Variants in ADAMTS13 observed in about 807,000 individuals in gnomAD.
The protein encoded by ADAMTS13 is A disintegrin and metalloproteinase with thrombospondin motifs 13.
Under a neutral mutation model 155.1 loss-of-function variants are expected in ADAMTS13, and 110 were observed. The observed-to-expected ratio is 0.71, with a 90% confidence interval of 0.61 to 0.83. The LOEUF (loss-of-function observed/expected upper bound fraction) is 0.83. ADAMTS13 is among the 40% of genes least tolerant of loss of function. The pLI is 0.00. For synonymous variants in ADAMTS13, 758 were observed against 756.4 expected (o/e 1.00, Z -0.03); for missense variants, 1,707 against 1,891.7 (o/e 0.90, Z 1.81).
In ADAMTS13 at chr9:133,425,750, T is replaced by C. The variant is rs1205628774; in HGVS notation, c.414+138T>C. 15 of 1,387,802 alleles carry C rather than the reference T, an allele frequency of 1.1e-5. No individual in the cohort carries two copies. Among genetic ancestry groups the C allele is most frequent in the South Asian group, 7.4e-5 (6 of 80,542 alleles). The allele number at this position is 1,387,802 out of a possible 1,614,324, so 86.0% of individuals were successfully genotyped here. ...AATGCATTCAGCCAGACAGACCAGC[T>C]GCCCTCCCAGCTCTACCCAGCACTC... On this transcript the variant is annotated intron_variant, in intron 4 of 28. Transcript: ENST00000355699. The surrounding 1 kb of genome is among the most constrained non-coding windows in gnomAD (Gnocchi z 4.6).
chr9:133,439,851 C>T (rs1486275198), intron 15 of ADAMTS13, among the ~76,000 whole-genome samples: 1 of 152,188 alleles, frequency 6.6e-6, no homozygotes, highest in East Asian at 1.9e-4. Flanking sequence ...GACTAATTGG[C>T]CAGGTGGATA....
At position 133,436,811 on chromosome 9, in the gene ADAMTS13, C is replaced by T; in HGVS notation, c.1309-18C>T. ...CCCGCCCCACCGCCATCCCCCTCCTCTGCCTCCTCCTGGCCAGGCCTGCGA... is the reference window on the plus strand; with the variant it reads ...CCCGCCCCACCGCCATCCCCCTCCTTTGCCTCCTCCTGGCCAGGCCTGCGA... On this transcript the variant is annotated intron_variant, in intron 11 of 28. Coordinates refer to ENST00000355699, the MANE Select transcript of ADAMTS13 (RefSeq NM_139027.6). The T allele has an allele frequency of 8.0e-7, 1 of 1,248,690 alleles. No homozygotes were observed. Among genetic ancestry groups the T allele is most frequent in the Non-Finnish European group, 1.1e-6 (1 of 917,514 alleles). 77.4% of individuals were successfully genotyped at this position (1,248,690 alleles called of 1,614,324 possible). A position where few individuals can be genotyped will look rare whatever the true frequency, so the allele number is the denominator to read the frequency against.
chr9:133,455,192 G>A, intron 24 of ADAMTS13, 93 bp from the exon 25 acceptor site: 1 of 1,383,848 alleles, frequency 7.2e-7, no homozygotes, highest in Non-Finnish European at 1.0e-6. Flanking sequence ...CTTGTACAAG[G>A]ATTATATTGG....
chr9:133,444,785 C>A, intron 19 of ADAMTS13, 78 bp from the exon 20 acceptor site: 1 of 1,492,622 alleles, frequency 6.7e-7, no homozygotes, highest in Non-Finnish European at 9.1e-7. Flanking sequence ...CCCCTTCCTC[C>A]CTGCCCCTAG....
At position 133,456,479 on chromosome 9, in the gene ADAMTS13, G is replaced by A. The variant is rs36222898; in HGVS notation, c.3548-64G>A. On this transcript the variant is annotated intron_variant, in intron 26 of 28. Coordinates refer to ENST00000355699, the MANE Select transcript of ADAMTS13 (RefSeq NM_139027.6). This position sits in a 1 kb window ranked among gnomAD's most constrained non-coding sequence, Gnocchi z 4.4. ...ACTTGAACTCGGCTCAGTCTACCCTGGAGCCACTCCTCTGCTGACCAGGCG... is the reference window on the plus strand; with the variant it reads ...ACTTGAACTCGGCTCAGTCTACCCTAGAGCCACTCCTCTGCTGACCAGGCG... 3.0e-5 allele frequency: 47 copies of A among 1,581,852 alleles called. No individual in the cohort carries two copies. Among genetic ancestry groups the A allele is most frequent in the Non-Finnish European group, 4.0e-5 (46 of 1,161,190 alleles).
Position 133,456,358 on chromosome 9 carries a change from G to A in ADAMTS13, c.3547+143G>A. 6.9e-7 allele frequency: 1 copy of A among 1,446,818 alleles called. No individual in the cohort carries two copies. The allele number at this position is 1,446,818 out of a possible 1,614,324, so 89.6% of individuals were successfully genotyped here. A position where few individuals can be genotyped will look rare whatever the true frequency, so the allele number is the denominator to read the frequency against. On this transcript the variant is annotated intron_variant, in intron 26 of 28. Coordinates refer to ENST00000355699, the MANE Select transcript of ADAMTS13 (RefSeq NM_139027.6). The surrounding 1 kb of genome is among the most constrained non-coding windows in gnomAD (Gnocchi z 4.4). ...TCCCATCTCATGACTGGGGAGTGAT[G>A]ATCTGCATTTTACAGATGAGGAAAC...
Position 133,452,769 on chromosome 9 carries a change from C to T in ADAMTS13, c.3045-1646C>T, listed in dbSNP as rs113402066. Among the ~76,000 whole-genome samples, 357 of 152,260 alleles carry T rather than the reference C, an allele frequency of 2.3e-3. 1 individual carries two copies. Among genetic ancestry groups the T allele is most frequent in the Admixed American group, 5.1e-3 (78 of 15,288 alleles). On this transcript the variant is annotated intron_variant, in intron 23 of 28. Coordinates refer to ENST00000355699, the MANE Select transcript of ADAMTS13 (RefSeq NM_139027.6). ...AAGTGATCCTCCTGCTTCAGCCTCC[C>T]GAGTAGCTGGGATGCAGGCACACAC...
intron 15 of ADAMTS13, 145 bp downstream of exon 15, chr9:133,439,591 A>G: frequency 1.3e-6 from 1 of 752,650 alleles, no homozygotes; most frequent in Non-Finnish European, 2.4e-6. Context: ...GACTAGGAAG[A>G]CTCCCAGAGC....
chr9:133,455,722 G>A (rs1170194032), intron 25 of ADAMTS13: 24 of 1,347,706 alleles, frequency 1.8e-5, no homozygotes, highest in African/African-American at 2.9e-5. Flanking sequence ...CTGGGAGGCC[G>A]GGATCAGGGC....
rs587735000 is a variant in ADAMTS13 at position 133,415,162 on chromosome 9, G to T, written n.287+518G>T. 490 of 671,166 alleles carry T rather than the reference G, an allele frequency of 7.3e-4. 1 individual carries two copies. Among genetic ancestry groups the T allele is most frequent in the Non-Finnish European group, 1.1e-3 (444 of 413,808 alleles). 41.6% of individuals were successfully genotyped at this position (671,166 alleles called of 1,614,324 possible). On this transcript the variant is annotated intron_variant and non_coding_transcript_variant, in intron 1 of 17. Transcript: ENST00000485925. The stretch of plus-strand genomic sequence containing the variant: ...GCATCACTGAAATTCATTTTCAAAC[G>T]GTTTGGAAAAAGCTCTTTTTCATTC...
At chr9:133,427,855 A>AAATTTCTAGAAAAAGGGCAGT (rs1554785645) in intron 6 of ADAMTS13, among the ~76,000 whole-genome samples, 6 of 152,274 alleles carry the variant, frequency 3.9e-5, no homozygotes, top group African/African-American at 7.2e-5. Context: ...GATTATGCAG[A>AAATTTCTAGAAAAAGGGCAGT]AATTTCTAGA....
Position 133,422,479 on chromosome 9 carries a change from C to T in ADAMTS13, c.36C>T (p.Pro12=), listed in dbSNP as rs782511371. The change falls in exon 1 of 29, where the codon CCC becomes CCT. Residue 12 remains proline (P), a synonymous_variant. Coordinates refer to ENST00000355699, the MANE Select transcript of ADAMTS13 (RefSeq NM_139027.6). ...GTCACCCCCGGGCAAGATGCCCTCC[C>T]CTCTGTGTGGCCGGAATCCTTGCCT... ...HQRHPRARCP[P]LCVAGILACG... is the part of the protein sequence containing the mutation. The T allele has an allele frequency of 1.2e-6, 2 of 1,614,126 alleles. No individual in the cohort carries two copies. The highest frequency in any genetic ancestry group is 4.5e-5 in the East Asian group (2 of 44,880).
In ADAMTS13 at chr9:133,438,333, C is replaced by T. The variant is rs782055634; in HGVS notation, c.1672C>T (p.Arg558Trp). 3.4e-5 allele frequency: 55 copies of T among 1,613,952 alleles called. No individual in the cohort carries two copies. The highest frequency in any genetic ancestry group is 3.3e-4 in the East Asian group (15 of 44,890). Residue 558 changes from arginine to tryptophan, a missense_variant, in exon 14 of 29, where the codon CGG becomes TGG. Around this residue, in one of 3 missense-constraint regions of ADAMTS13, gnomAD observed 961 missense variants for 1,107.9 expected, o/e 0.87. Transcript: ENST00000355699. ...TGGGGACAACAGCACGTGCAGCCCA[C>T]GGAAGGGCTCTTTCACAGCTGGCAG... ...CGGDNSTCSP[R>W]KGSFTAGRAR...
Position 133,442,620 on chromosome 9 carries a change from G to T in ADAMTS13, c.2111G>T (p.Arg704Leu). The T allele has an allele frequency of 1.2e-6, 2 of 1,613,246 alleles. No homozygotes were observed. Among genetic ancestry groups the T allele is most frequent in the Non-Finnish European group, 1.7e-6 (2 of 1,180,004 alleles). ...PCSVSCGAGL[R>L]WVNYSCLDQA... is the part of the protein sequence containing the mutation. ...CCTCCCTCTTCCCTCCCAGGGCTGC[G>T]CTGGGTAAACTACAGCTGCCTGGAC... Residue 704 changes from arginine to leucine, a missense_variant, in exon 18 of 29, where the codon CGC (arginine) becomes CTC (leucine). Physicochemically the swap from Arg to Leu is moderately radical, Grantham distance 102 (BLOSUM62 -2). Around this residue, in one of 3 missense-constraint regions of ADAMTS13, gnomAD observed 961 missense variants for 1,107.9 expected, o/e 0.87. Transcript: ENST00000355699.
rs1840240120 is a variant in ADAMTS13, at chr9:133,425,776, A to C, written c.415-162A>C. Among the ~76,000 whole-genome samples, 1 of 152,188 alleles carries C rather than the reference A, an allele frequency of 6.6e-6. No homozygotes were observed. The highest frequency in any genetic ancestry group is 1.5e-5 in the Non-Finnish European group (1 of 68,026). On this transcript the variant is annotated intron_variant, in intron 4 of 28. Transcript: ENST00000355699. The surrounding 1 kb of genome is among the most constrained non-coding windows in gnomAD (Gnocchi z 4.6). ...GCCCTCCCAGCTCTACCCAGCACTC[A>C]GCACAGGCTGCCTGACTACTTCTCT... is the stretch of plus-strand genomic sequence containing the variant.
intron 11 of ADAMTS13, 32 bp from the exon 12 acceptor site, chr9:133,436,796 CG>C: frequency 1.0e-6 from 1 of 970,518 alleles, no homozygotes; most frequent in Non-Finnish European, 1.5e-6. Flanking sequence ...CCCGCCCCAC[CG>C]CCATCCCCCT....
In ADAMTS13 at chr9:133,428,707, G is replaced by GCCGCGCC; in HGVS notation, c.768_774dup (p.Gly259ProfsTer133). 5.2e-6 allele frequency: 7 copies of GCCGCGCC among 1,354,224 alleles called. No individual in the cohort carries two copies. The highest frequency in any genetic ancestry group is 6.7e-6 in the Non-Finnish European group (7 of 1,051,384). The allele number at this position is 1,354,224 out of a possible 1,614,324, so 83.9% of individuals were successfully genotyped here. ...CGGACACGTGATGGCTTCGGACGGC[G>GCCGCGCC]CCGCGCCCCGCGCCGGCCTCGCCTG... On this transcript the variant is annotated frameshift_variant, in exon 7 of 29. Coordinates refer to ENST00000355699, the MANE Select transcript of ADAMTS13 (RefSeq NM_139027.6). LOFTEE classifies it high-confidence loss of function.
chr9:133,452,715 G>T (rs1300343777), intron 23 of ADAMTS13, among the ~76,000 whole-genome samples: 1 of 151,920 alleles, frequency 6.6e-6, no homozygotes, highest in Non-Finnish European at 1.5e-5. Flanking sequence ...TCACTATGTT[G>T]CCCAGTCTGG....
At chr9:133,434,295 G>C (rs2130829830) in intron 11 of ADAMTS13, among the ~76,000 whole-genome samples, 1 of 152,044 alleles carries the variant, frequency 6.6e-6, no homozygotes, top group Admixed American at 6.6e-5. Context: ...GCCTGCAAAG[G>C]AATTTTTTAA....
Sources: allele counts gnomAD v4.1 joint callset (sites outside exome capture counted in the v4.1 genomes callset), GRCh38; gene constraint gnomAD v4.1.1; regional missense constraint gnomAD v4.1.1; non-coding constraint Gnocchi (gnomAD v3.1); transcripts MANE v1.5; gene names NCBI Gene and HGNC (gene_info 2026-07-23, HGNC 2026-07-21).